Variants in THOC2 observed in about 807,000 individuals in gnomAD.
THOC2 encodes the protein THO complex 2.
In THOC2, 10 loss-of-function variants were observed where a neutral mutation model predicts 128.4. The ratio of observed to expected loss-of-function variants is 0.08; its 90% CI spans 0.05 to 0.13. The LOEUF (loss-of-function observed/expected upper bound fraction) is 0.13, where lower values mean the gene tolerates loss of function less well. Ranked by LOEUF, THOC2 falls within the 10% of genes least tolerant of loss-of-function variation. THOC2 has a pLI of 1.00. For missense variants in THOC2, 535 were observed against 1,155.7 expected (o/e 0.46, Z 7.79); for synonymous variants, 393 against 396.9 (o/e 0.99, Z 0.12).
chrX:123,626,530 G>A lies in THOC2; in HGVS notation c.2890C>T (p.Leu964Phe). The change falls in exon 24 of 39, where the codon CTT becomes TTT. Residue 964 changes from leucine to phenylalanine, a missense_variant. Coordinates refer to ENST00000245838, the MANE Select transcript of THOC2 (RefSeq NM_001081550.2). ...QRLKLEKDNWLLAKSTKNETI... is the reference protein window; with the variant it reads ...QRLKLEKDNWFLAKSTKNETI... The stretch of plus-strand genomic sequence containing the variant: ...AATTCCAACAACTTACTTGCTAAAA[G>A]CCAGTTGTCCTTTTCCAGTTTCAAT... 8.5e-7 allele frequency: 1 copy of A among 1,177,069 alleles called. No homozygotes were observed. Among genetic ancestry groups the A allele is most frequent in the South Asian group, 1.9e-5 (1 of 52,294 alleles).
At chrX:123,711,195 G>A (rs28884472) in intron 2 of THOC2, among the ~76,000 whole-genome samples, 1 of 94,205 alleles carries the variant, frequency 1.1e-5, no homozygotes, top group African/African-American at 4.1e-5. Flanking sequence ...ATTTTTTTTT[G>A]TTTTTGTTTT....
At chrX:123,633,683 C>T (rs1262825759) in intron 20 of THOC2, among the ~76,000 whole-genome samples, 1 of 112,021 alleles carries the variant, frequency 8.9e-6, no homozygotes, top group East Asian at 2.8e-4. Flanking sequence ...GGATTATAAG[C>T]GTGAGCCACC....
chrX:123,651,076 C>T (rs1433924857), intron 12 of THOC2, among the ~76,000 whole-genome samples: 2 of 111,580 alleles, frequency 1.8e-5, no homozygotes, highest in Non-Finnish European at 3.8e-5. Context: ...CTCCTCAGGA[C>T]ATGCAAAATA....
In THOC2 at chrX:123,721,655, G is replaced by A. The variant is rs1000399047; in HGVS notation, c.72-8747C>T. Among the ~76,000 whole-genome samples the A allele has an allele frequency of 2.8e-5, 3 of 108,331 alleles. No homozygotes were observed. In the Admixed American group the frequency reaches 2.9e-4, roughly 11 times the overall value. 94.1% of individuals were successfully genotyped at this position (108,331 alleles called of 115,157 possible). ...ACAAAAATTAGCCAGGCGTGGTAGT[G>A]CATGCCTGTAGTCCCAGCTACTCGG... On this transcript the variant is annotated intron_variant, in intron 1 of 38. Transcript: ENST00000245838.
chrX:123,616,738 T>C (rs2046909390), intron 33 of THOC2, among the ~76,000 whole-genome samples: 1 of 109,100 alleles, frequency 9.2e-6, no homozygotes, highest in Non-Finnish European at 1.9e-5. Context: ...CAAAACACAA[T>C]TGATCAAAAC....
At chrX:123,695,943 T>C (rs922157903) in intron 7 of THOC2, 78 bp downstream of exon 7, 1 of 726,709 alleles carries the variant, frequency 1.4e-6, no homozygotes, top group Admixed American at 3.9e-5. Flanking sequence ...TGCACTCATT[T>C]TGTCTTTATG....
intron 10 of THOC2, 136 bp from the exon 11 acceptor site, chrX:123,667,414 C>T (rs2049090527): frequency 2.2e-6 from 1 of 446,680 alleles, no homozygotes; most frequent in Admixed American, 4.6e-5. Context: ...CAATATATTC[C>T]TGCAAGTACA....
At chrX:123,729,786 C>T in intron 1 of THOC2, among the ~76,000 whole-genome samples, 1 of 112,120 alleles carries the variant, frequency 8.9e-6, no homozygotes, top group Non-Finnish European at 1.9e-5. Context: ...ATTTCAGAAG[C>T]TGTTTTCAGA....
intron 16 of THOC2, among the ~76,000 whole-genome samples, chrX:123,640,318 C>T (rs2047862495): frequency 9.0e-6 from 1 of 111,479 alleles, no homozygotes; most frequent in African/African-American, 3.3e-5. Flanking sequence ...TACAAAATAA[C>T]ATTATATATA....
At chrX:123,712,030 AAT>A (rs200151022) in intron 2 of THOC2, among the ~76,000 whole-genome samples, 1 of 108,583 alleles carries the variant, frequency 9.2e-6, no homozygotes, top group Non-Finnish European at 1.9e-5. Flanking sequence ...AACAAAAATA[AAT>A]ATATATATAT....
At chrX:123,608,067 G>A (rs754144926) in intron 38 of THOC2, among the ~76,000 whole-genome samples, 1 of 109,687 alleles carries the variant, frequency 9.1e-6, no homozygotes, top group Non-Finnish European at 1.9e-5. Context: ...TGGGCAACAT[G>A]GCGAAACCCC....
chrX:123,678,006 G>A (rs776443231), intron 8 of THOC2, among the ~76,000 whole-genome samples: 21 of 110,608 alleles, frequency 1.9e-4, no homozygotes, highest in African/African-American at 6.2e-4. Context: ...TCCACATCTT[G>A]TCCCACTAGA....
chrX:123,610,263 T>A (rs2046651794), intron 38 of THOC2: 1 of 107,929 alleles, frequency 9.3e-6, no homozygotes. Context: ...AAATACTTTT[T>A]AAATCTCACA....
intron 12 of THOC2, among the ~76,000 whole-genome samples, chrX:123,651,338 G>A (rs2048342820): frequency 1.8e-5 from 2 of 111,732 alleles, no homozygotes; most frequent in South Asian, 7.4e-4. Context: ...AATGCCCACA[G>A]GAGAAAGCGG....
intron 22 of THOC2, among the ~76,000 whole-genome samples, chrX:123,628,801 A>T (rs2047362562): frequency 9.0e-6 from 1 of 110,829 alleles, no homozygotes. Context: ...AGGGTGACCA[A>T]TTGTCAGGGT....
intron 1 of THOC2, among the ~76,000 whole-genome samples, chrX:123,725,820 G>A (rs2051947701): frequency 1.8e-5 from 2 of 110,853 alleles, no homozygotes; most frequent in Non-Finnish European, 3.8e-5. Context: ...AGATATATAA[G>A]TATATCAAGG....
intron 7 of THOC2, among the ~76,000 whole-genome samples, chrX:123,693,458 T>A (rs1052501287): frequency 6.3e-5 from 7 of 111,688 alleles, no homozygotes; most frequent in African/African-American, 2.3e-4. Flanking sequence ...AAAGCAAGAC[T>A]CTGTCTCAAA....
chrX:123,614,015 G>C lies in THOC2; in HGVS notation c.4449+37C>G, dbSNP rs752928428. The stretch of plus-strand genomic sequence containing the variant: ...CATACACACTGGTGTACATGATAAT[G>C]AGCTTTCCAAACTAGTTTAAAAAAA... On this transcript the variant is annotated intron_variant, in intron 34 of 38. Transcript: ENST00000245838. 8.5e-6 allele frequency: 10 copies of C among 1,170,573 alleles called. No individual in the cohort carries two copies. The Admixed American group carries it at 1.1e-4, about 13-fold the overall frequency.
chrX:123,608,696 C>T (rs1254645495), intron 38 of THOC2, among the ~76,000 whole-genome samples: 4 of 109,961 alleles, frequency 3.6e-5, no homozygotes, highest in Non-Finnish European at 5.7e-5. Flanking sequence ...GATCCAAGAT[C>T]GCACCATTAC....
Sources: allele counts gnomAD v4.1 joint callset (sites outside exome capture counted in the v4.1 genomes callset), GRCh38; gene constraint gnomAD v4.1.1; transcripts MANE v1.5; gene names NCBI Gene and HGNC (gene_info 2026-07-23, HGNC 2026-07-21).